ATP5F1E: variants seen among roughly 807,000 people sequenced by gnomAD.
ATP5F1E encodes ATP synthase F(1) complex subunit epsilon, mitochondrial.
ATP5F1E carries 5 observed loss-of-function variants against 7.0 expected under a neutral mutation model. The ratio of observed to expected loss-of-function variants is 0.71; its 90% CI spans 0.37 to 1.49. The LOEUF (loss-of-function observed/expected upper bound fraction) is 1.49. Among genes scored for constraint, ATP5F1E ranks in the 40% most tolerant of loss-of-function variants. ATP5F1E has a pLI of 0.03. For missense variants in ATP5F1E, 59 were observed against 57.1 expected, an observed-to-expected ratio of 1.03 and a Z score of -0.11; for synonymous variants, 20 against 20.1, an observed-to-expected ratio of 0.99 and a Z score of 0.02.
At chr20:59,032,107 G>C (rs970426837) in intron 1 of ATP5F1E, 113 bp downstream of exon 1, 42 of 1,457,270 alleles carry the variant, frequency 2.9e-5, no homozygotes, top group Non-Finnish European at 3.6e-5. Flanking sequence ...CCGAGGCTTG[G>C]CCCAACCCCG....
chr20:59,029,696 C>T (rs186132318), intron 2 of ATP5F1E: 7 of 159,380 alleles, frequency 4.4e-5, no homozygotes, highest in Non-Finnish European at 8.3e-5. Context: ...TTTTATTTCA[C>T]GAGAATTTAA....
In ATP5F1E at chr20:59,030,403, GCA is replaced by G; in HGVS notation, c.57_58del (p.Ala20LysfsTer16). ...CTTCAGTGCATCTCTCACTGCTTTT[GCA>G]CAGATCTGGGAGTATCGGATGTAGC... On this transcript the variant is annotated frameshift_variant, in exon 2 of 3. Coordinates refer to ENST00000243997, the MANE Select transcript of ATP5F1E (RefSeq NM_006886.4). LOFTEE classifies it high-confidence loss of function. The G allele has an allele frequency of 6.2e-7, 1 of 1,613,778 alleles. No individual in the cohort carries two copies. The highest frequency in any genetic ancestry group is 8.5e-7 in the Non-Finnish European group (1 of 1,179,838).
chr20:59,028,953 T>A (rs1601242595), intron 2 of ATP5F1E, 112 bp from the exon 3 acceptor site: 1 of 160,052 alleles, frequency 6.2e-6, no homozygotes, highest in East Asian at 1.9e-4. Context: ...ACTGTGGCTA[T>A]CATTCACATT....
At position 59,028,381 on chromosome 20, in the gene ATP5F1E, T is replaced by C. The variant is rs1419484659; in HGVS notation, c.*464A>G. On this transcript the variant is annotated 3_prime_UTR_variant, in exon 3 of 3. Coordinates refer to ENST00000243997, the MANE Select transcript of ATP5F1E (RefSeq NM_006886.4). ...TATTTCTTCTTCTAATCTACACTTT[T>C]AGTATTTAATAATTATTTCCATTTG... 6.6e-6 allele frequency: 1 copy of C among 152,268 alleles called. No homozygotes were observed. The highest frequency in any genetic ancestry group is 2.4e-5 in the African/African-American group (1 of 41,478). The allele number at this position is 152,268 out of a possible 1,614,324, so 9.4% of individuals were successfully genotyped here.
At position 59,032,328 on chromosome 20, in the gene ATP5F1E, G is replaced by T; in HGVS notation, c.-77C>A. 1 of 1,547,892 alleles carries T rather than the reference G, an allele frequency of 6.5e-7. No homozygotes were observed. Among genetic ancestry groups the T allele is most frequent in the Non-Finnish European group, 8.8e-7 (1 of 1,141,896 alleles). On this transcript the variant is annotated 5_prime_UTR_variant, in exon 1 of 3. Coordinates refer to ENST00000243997, the MANE Select transcript of ATP5F1E (RefSeq NM_006886.4). ...GTCGGCTCAGCCGGGCGGTTCAGCC[G>T]CAGGAAGATCAGACCACAGAAGCGG...
chr20:59,028,443 A>C lies in ATP5F1E; in HGVS notation c.*402T>G, dbSNP rs1429302033. ...CATGTCATTATTCTGACATGACAAC[A>C]ATTCAAAAATAAGGGACTACGAAGC... On this transcript the variant is annotated 3_prime_UTR_variant, in exon 3 of 3. Coordinates refer to ENST00000243997, the MANE Select transcript of ATP5F1E (RefSeq NM_006886.4). 6.6e-6 allele frequency: 1 copy of C among 152,244 alleles called. No homozygotes were observed. Among genetic ancestry groups the C allele is most frequent in the Non-Finnish European group, 1.5e-5 (1 of 68,036 alleles). 9.4% of individuals were successfully genotyped at this position (152,244 alleles called of 1,614,324 possible). A position where few individuals can be genotyped will look rare whatever the true frequency, so the allele number is the denominator to read the frequency against.
chr20:59,031,789 C>G (rs1331973388), intron 1 of ATP5F1E, among the ~76,000 whole-genome samples: 1 of 152,254 alleles, frequency 6.6e-6, no homozygotes, highest in Non-Finnish European at 1.5e-5. Context: ...CACCTCGATG[C>G]TGGATTAAAG....
chr20:59,030,362 T>C lies in ATP5F1E; in HGVS notation c.100A>G (p.Asn34Asp). The C allele has an allele frequency of 6.2e-7, 1 of 1,614,022 alleles. No homozygotes were observed. The highest frequency in any genetic ancestry group is 8.5e-7 in the Non-Finnish European group (1 of 1,179,914). Residue 34 changes from asparagine to aspartate, a missense_variant, in exon 2 of 3, where the codon AAT becomes GAT. By Grantham distance (23) the Asn-to-Asp change is conservative. Transcript: ENST00000243997. ...TTGCTGCCAGAAGTCTTCTCAGCAT[T>C]TGCTTTGAATTCTGTCTTCAGTGCA... ...RDALKTEFKA[N>D]AEKTSGSNVK...
At chr20:59,032,135 T>C in intron 1 of ATP5F1E, 85 bp downstream of exon 1, 1 of 1,527,846 alleles carries the variant, frequency 6.5e-7, no homozygotes, top group Non-Finnish European at 8.8e-7. Context: ...GTGGGGCCGC[T>C]GCTCTGTGTC....
chr20:59,031,636 A>G (rs2092030827), intron 1 of ATP5F1E, among the ~76,000 whole-genome samples: 1 of 152,186 alleles, frequency 6.6e-6, no homozygotes, highest in Non-Finnish European at 1.5e-5. Flanking sequence ...TGGGTTCCAT[A>G]TTTGAGCTTT....
At position 59,032,234 on chromosome 20, in the gene ATP5F1E, T is replaced by C. The variant is rs1281805462; in HGVS notation, c.18A>G (p.Arg6=). MVAYW[R]QAGLSYIRYS... is the part of the protein sequence containing the mutation. ...CCTGGGCCTACCTGAGTCCAGCCTGTCTCCAGTAGGCCACCATGCTGTAGC... is the reference window on the plus strand; with the variant it reads ...CCTGGGCCTACCTGAGTCCAGCCTGCCTCCAGTAGGCCACCATGCTGTAGC... Residue 6 remains arginine (R), a synonymous_variant, in exon 1 of 3, where the codon AGA becomes AGG. Coordinates refer to ENST00000243997, the MANE Select transcript of ATP5F1E (RefSeq NM_006886.4). 1.9e-6 allele frequency: 3 copies of C among 1,597,134 alleles called. No homozygotes were observed. The highest frequency in any genetic ancestry group is 2.6e-6 in the Non-Finnish European group (3 of 1,172,792).
chr20:59,030,227 CTA>C (rs1250677344), intron 2 of ATP5F1E, 74 bp downstream of exon 2: 3 of 1,577,982 alleles, frequency 1.9e-6, no homozygotes, highest in Non-Finnish European at 2.6e-6. Flanking sequence ...GAACCCAAAA[CTA>C]AAATTATTTT....
In ATP5F1E at chr20:59,026,665, T is replaced by C. The variant is rs1033360913; in HGVS notation, c.*2180A>G. 1 of 152,248 alleles carries C rather than the reference T, an allele frequency of 6.6e-6. No individual in the cohort carries two copies. The highest frequency in any genetic ancestry group is 1.5e-5 in the Non-Finnish European group (1 of 68,042). The allele number at this position is 152,248 out of a possible 1,614,324, so 9.4% of individuals were successfully genotyped here. A position where few individuals can be genotyped will look rare whatever the true frequency, so the allele number is the denominator to read the frequency against. ...TTTCTTGAAGCCTAACCATCCAGAC[T>C]GAGTAGTTAAAAATATTTAGAAATG... On this transcript the variant is annotated 3_prime_UTR_variant, in exon 3 of 3. Coordinates refer to ENST00000243997, the MANE Select transcript of ATP5F1E (RefSeq NM_006886.4).
intron 1 of ATP5F1E, among the ~76,000 whole-genome samples, chr20:59,031,133 C>T (rs921686040): frequency 1.3e-5 from 2 of 152,090 alleles, no homozygotes; most frequent in African/African-American, 4.8e-5. Flanking sequence ...GGGAGGGGTG[C>T]TATTTTCTCA....
At chr20:59,030,829 T>C (rs2092022951) in intron 1 of ATP5F1E, among the ~76,000 whole-genome samples, 3 of 152,254 alleles carry the variant, frequency 2.0e-5, no homozygotes, top group Non-Finnish European at 2.9e-5. Context: ...ACTTTAATTA[T>C]ATTATTCTTG....
intron 2 of ATP5F1E, 200 bp downstream of exon 2, chr20:59,030,103 C>T (rs1017625588): frequency 6.1e-6 from 3 of 494,010 alleles, no homozygotes; most frequent in African/African-American, 5.9e-5. Context: ...TTCTGCTTGT[C>T]AGGGCCCAAG....
At chr20:59,031,698 A>G (rs2146384802) in intron 1 of ATP5F1E, among the ~76,000 whole-genome samples, 1 of 152,188 alleles carries the variant, frequency 6.6e-6, no homozygotes, top group Non-Finnish European at 1.5e-5. Context: ...TATGGCTTTC[A>G]CCCCTTTTAG....
At chr20:59,029,746 A>G (rs1326968071) in intron 2 of ATP5F1E, 1 of 163,578 alleles carries the variant, frequency 6.1e-6, no homozygotes, top group Non-Finnish European at 1.3e-5. Context: ...AAAATGAACC[A>G]AACCCTCTGA....
In ATP5F1E at chr20:59,028,740, A is replaced by AT. The variant is rs3215617; in HGVS notation, c.*104dup. 147 of 161,308 alleles carry AT rather than the reference A, an allele frequency of 9.1e-4. 1 individual carries two copies. The highest frequency in any genetic ancestry group is 7.0e-3 in the East Asian group (36 of 5,120). 10.0% of individuals were successfully genotyped at this position (161,308 alleles called of 1,614,324 possible). ...ATTGTCAATTTATGAACAAGACAGG[A>AT]TTTTTTTTTTTCCCATGGAATGAGA... is the stretch of plus-strand genomic sequence containing the variant. On this transcript the variant is annotated 3_prime_UTR_variant, in exon 3 of 3. Transcript: ENST00000243997.
Sources: gnomAD v4.1 joint callset for allele counts (sites outside exome capture counted in the v4.1 genomes callset) on GRCh38, gnomAD v4.1.1 for gene constraint, MANE v1.5 for transcripts, NCBI Gene and HGNC (gene_info 2026-07-23, HGNC 2026-07-21) for gene names.